ENOX1: variants seen among roughly 807,000 people sequenced by gnomAD.
ENOX1 encodes the protein ecto-NOX disulfide-thiol exchanger 1.
In ENOX1, 42 loss-of-function variants were observed where a neutral mutation model predicts 82.5. That is an observed-to-expected ratio of 0.51 (90% CI 0.40 to 0.66). The LOEUF is 0.66. Ranked by LOEUF, ENOX1 falls within the 30% of genes least tolerant of loss-of-function variation. The probability of loss-of-function intolerance (pLI) is 0.00; values close to 1 mark genes in which losing one functional copy is unlikely to be tolerated. For synonymous variants in ENOX1, 271 were observed against 282.2 expected (o/e 0.96, Z 0.40); for missense variants, 608 against 811.6 (o/e 0.75, Z 3.05).
intron 1 of ENOX1, among the ~76,000 whole-genome samples, chr13:43,785,943 G>A (rs1647041029): frequency 6.6e-6 from 1 of 152,022 alleles, no homozygotes; most frequent in African/African-American, 2.4e-5. Flanking sequence ...CCGGCGTCCA[G>A]CGGCCGAGGC....
At chr13:43,782,961 G>T (rs141807423) in intron 1 of ENOX1, among the ~76,000 whole-genome samples, 1 of 152,096 alleles carries the variant, frequency 6.6e-6, no homozygotes, top group East Asian at 1.9e-4. Context: ...TATTATGCAG[G>T]GACACAGGCA....
At chr13:43,666,711 G>A (rs1031141339) in intron 2 of ENOX1, among the ~76,000 whole-genome samples, 2 of 152,164 alleles carry the variant, frequency 1.3e-5, no homozygotes, top group African/African-American at 2.4e-5. Context: ...GCAGTCAGAT[G>A]AGACTAATAC....
At chr13:43,770,917 G>A (rs1056338933) in intron 1 of ENOX1, among the ~76,000 whole-genome samples, 1 of 151,860 alleles carries the variant, frequency 6.6e-6, no homozygotes, top group African/African-American at 2.4e-5. Flanking sequence ...ATAAATGGAT[G>A]GCTTTGCTTC....
At chr13:43,419,222 T>C (rs998080535) in intron 3 of ENOX1, among the ~76,000 whole-genome samples, 1 of 152,164 alleles carries the variant, frequency 6.6e-6, no homozygotes, top group African/African-American at 2.4e-5. Flanking sequence ...AAAATCCTTC[T>C]TATTGAAAAA....
intron 1 of ENOX1, among the ~76,000 whole-genome samples, chr13:43,727,813 A>G (rs2089081375): frequency 6.6e-6 from 1 of 152,192 alleles, no homozygotes; most frequent in African/African-American, 2.4e-5. Flanking sequence ...TATTGCCATT[A>G]ACATTATGCA....
At chr13:43,612,363 G>A (rs1238107237) in intron 2 of ENOX1, among the ~76,000 whole-genome samples, 1 of 152,164 alleles carries the variant, frequency 6.6e-6, no homozygotes, top group Non-Finnish European at 1.5e-5. Context: ...TCAGTCACTA[G>A]TTTGAGAGTA....
rs537653912 is a variant in ENOX1, at chr13:43,359,740, C to G, written c.589+111G>C. Reference sequence around the variant, plus strand: ...GAAGGCAGAATTCCTCCTTTTCCAGCCCCAAACTATGAAGACTTTATTTTG... The same window carrying G: ...GAAGGCAGAATTCCTCCTTTTCCAGGCCCAAACTATGAAGACTTTATTTTG... On this transcript the variant is annotated intron_variant, in intron 7 of 16. Transcript: ENST00000690772. The G allele has an allele frequency of 1.3e-5, 14 of 1,038,482 alleles. No homozygotes were observed. In the African/African-American group the frequency reaches 2.1e-4, roughly 15 times the overall value. The allele number at this position is 1,038,482 out of a possible 1,614,324, so 64.3% of individuals were successfully genotyped here.
intron 14 of ENOX1, among the ~76,000 whole-genome samples, chr13:43,262,586 G>C (rs1352272983): frequency 6.6e-6 from 1 of 152,124 alleles, no homozygotes; most frequent in Non-Finnish European, 1.5e-5. Flanking sequence ...GAGTGCAGTG[G>C]TGTGATCTCG....
At chr13:43,331,003 A>G (rs1227064877) in intron 9 of ENOX1, among the ~76,000 whole-genome samples, 1 of 152,198 alleles carries the variant, frequency 6.6e-6, no homozygotes, top group Admixed American at 6.5e-5. Flanking sequence ...AACTTTACAG[A>G]CTATCATGAG....
chr13:43,433,789 CA>C (rs2055833895), intron 3 of ENOX1, among the ~76,000 whole-genome samples: 1 of 152,190 alleles, frequency 6.6e-6, no homozygotes, highest in Non-Finnish European at 1.5e-5. Flanking sequence ...GCACCTCAGA[CA>C]GGGCTAAGTC....
intron 11 of ENOX1, among the ~76,000 whole-genome samples, chr13:43,313,336 A>C (rs2047313472): frequency 6.6e-6 from 1 of 152,328 alleles, no homozygotes; most frequent in Non-Finnish European, 1.5e-5. Flanking sequence ...AGGTAAGCAT[A>C]TTATGGTGAG....
chr13:43,392,756 A>G (rs2052872395), intron 5 of ENOX1, among the ~76,000 whole-genome samples: 1 of 152,192 alleles, frequency 6.6e-6, no homozygotes, highest in Non-Finnish European at 1.5e-5. Context: ...TTTAGTTTCA[A>G]TATTTTCTAT....
intron 1 of ENOX1, among the ~76,000 whole-genome samples, chr13:43,674,150 C>T (rs951402669): frequency 2.6e-5 from 4 of 152,196 alleles, no homozygotes; most frequent in African/African-American, 9.7e-5. Context: ...ATGTCCAAGA[C>T]ACACATGCAT....
At chr13:43,561,651 G>A (rs1451607803) in intron 2 of ENOX1, among the ~76,000 whole-genome samples, 1 of 152,054 alleles carries the variant, frequency 6.6e-6, no homozygotes, top group Non-Finnish European at 1.5e-5. Flanking sequence ...GTAAGTATTA[G>A]TACTACATAA....
At chr13:43,610,749 GTTTTTTT>G (rs5803192) in intron 2 of ENOX1, among the ~76,000 whole-genome samples, 2 of 149,780 alleles carry the variant, frequency 1.3e-5, no homozygotes, top group African/African-American at 4.9e-5. Flanking sequence ...ATTTCCCATA[GTTTTTTT>G]TTTTTTTCAG....
chr13:43,608,190 G>A (rs1237226907), intron 2 of ENOX1, among the ~76,000 whole-genome samples: 1 of 152,156 alleles, frequency 6.6e-6, no homozygotes, highest in East Asian at 1.9e-4. Context: ...CTAAGAATGG[G>A]TACGAGCATG....
chr13:43,693,513 CACAAA>C (rs576536192), intron 1 of ENOX1, among the ~76,000 whole-genome samples: 112 of 152,290 alleles, frequency 7.4e-4, no homozygotes, highest in Admixed American at 2.8e-3. Flanking sequence ...CTTTCTCATA[CACAAA>C]ACAGTCAGCT....
chr13:43,669,761 G>C (rs1366105167), intron 1 of ENOX1, among the ~76,000 whole-genome samples: 2 of 152,124 alleles, frequency 1.3e-5, no homozygotes, highest in African/African-American at 4.8e-5. Flanking sequence ...CTGTTCCGTT[G>C]TAATTCTTGG....
At chr13:43,774,845 C>CTTTTCTT (rs1192593135) in intron 1 of ENOX1, among the ~76,000 whole-genome samples, 6 of 152,112 alleles carry the variant, frequency 3.9e-5, no homozygotes, top group Non-Finnish European at 7.4e-5. Context: ...AGCAATCTTT[C>CTTTTCTT]TTTTCTTTTT....
Sources: gnomAD v4.1 joint callset for allele counts (sites outside exome capture counted in the v4.1 genomes callset) on GRCh38, gnomAD v4.1.1 for gene constraint, MANE v1.5 for transcripts, NCBI Gene and HGNC (gene_info 2026-07-23, HGNC 2026-07-21) for gene names.